Variants in ATP9B observed in about 807,000 individuals in gnomAD.
ATP9B encodes ATPase phospholipid transporting 9B, also known as probable phospholipid-transporting ATPase IIB.
A neutral mutation model predicts 146.1 loss-of-function variants in ATP9B; 110 were observed. The observed-to-expected ratio is 0.75, with a 90% CI of 0.65 to 0.88. The LOEUF (loss-of-function observed/expected upper bound fraction) is 0.88, where lower values mean the gene tolerates loss of function less well. ATP9B is among the 40% of genes least tolerant of loss of function. The pLI is 0.00. For synonymous variants in ATP9B, 604 were observed against 569.7 expected (o/e 1.06, Z -0.86); for missense variants, 1,499 against 1,496.4 (o/e 1.00, Z -0.03).
chr18:79,072,318 C>T (rs1374649874), intron 1 of ATP9B, among the ~76,000 whole-genome samples: 1 of 152,000 alleles, frequency 6.6e-6, no homozygotes, highest in Non-Finnish European at 1.5e-5. Flanking sequence ...GTGTTTGTGT[C>T]CCTGGGTACT....
chr18:79,312,811 A>G (rs1599876722), intron 15 of ATP9B, among the ~76,000 whole-genome samples: 1 of 152,216 alleles, frequency 6.6e-6, no homozygotes, highest in East Asian at 1.9e-4. Context: ...TTTTTGGTAC[A>G]ATGTGAAATT....
At chr18:79,115,214 G>C (rs1442838663) in intron 4 of ATP9B, 1 of 137,386 alleles carries the variant, frequency 7.3e-6, no homozygotes, top group Non-Finnish European at 1.5e-5. Context: ...AACTTACAAG[G>C]GATGTGAAGG....
intron 15 of ATP9B, among the ~76,000 whole-genome samples, chr18:79,314,661 T>A (rs2096669823): frequency 6.6e-6 from 1 of 152,258 alleles, no homozygotes; most frequent in Non-Finnish European, 1.5e-5. Context: ...GATCAATATT[T>A]CATTTTCTCT....
intron 9 of ATP9B, among the ~76,000 whole-genome samples, chr18:79,204,422 ATTACTC>A (rs1327989557): frequency 5.3e-5 from 8 of 152,190 alleles, no homozygotes; most frequent in Admixed American, 5.2e-4. Context: ...AAATACTAGT[ATTACTC>A]TTTTGACTCT....
intron 11 of ATP9B, among the ~76,000 whole-genome samples, chr18:79,249,440 T>C (rs2096001571): frequency 6.6e-6 from 1 of 152,216 alleles, no homozygotes; most frequent in East Asian, 1.9e-4. Context: ...GCTTTACTAA[T>C]ATAGGAGATG....
intron 11 of ATP9B, among the ~76,000 whole-genome samples, chr18:79,235,420 A>G (rs1337737267): frequency 6.6e-6 from 1 of 152,212 alleles, no homozygotes; most frequent in Non-Finnish European, 1.5e-5. Flanking sequence ...CAATTATAAT[A>G]CTTGTTTTCT....
intron 9 of ATP9B, among the ~76,000 whole-genome samples, chr18:79,206,411 G>T (rs577428085): frequency 2.0e-5 from 3 of 152,072 alleles, no homozygotes; most frequent in Admixed American, 6.5e-5. Flanking sequence ...TGCTATGCAC[G>T]CAAAAGAAAT....
chr18:79,143,171 G>T (rs1426440904), intron 5 of ATP9B, among the ~76,000 whole-genome samples: 1 of 152,092 alleles, frequency 6.6e-6, no homozygotes, highest in Non-Finnish European at 1.5e-5. Flanking sequence ...AATTATGGGT[G>T]CAACATTCAT....
At chr18:79,145,792 G>A (rs2094577277) in intron 6 of ATP9B, 1 of 66,866 alleles carries the variant, frequency 1.5e-5, no homozygotes, top group Admixed American at 1.8e-4. Flanking sequence ...GCTGCATGTC[G>A]GGGGAGCTGG....
chr18:79,072,997 C>T (rs2072103093), intron 1 of ATP9B, among the ~76,000 whole-genome samples: 1 of 151,954 alleles, frequency 6.6e-6, no homozygotes, highest in East Asian at 1.9e-4. Flanking sequence ...GACGGGATGA[C>T]GGCCAGGAAG....
At chr18:79,190,095 A>G (rs932042543) in intron 8 of ATP9B, among the ~76,000 whole-genome samples, 14 of 152,170 alleles carry the variant, frequency 9.2e-5, no homozygotes, top group Non-Finnish European at 1.8e-4. Context: ...TGTGTACTGC[A>G]CTTAGTTCTG....
intron 5 of ATP9B, among the ~76,000 whole-genome samples, chr18:79,127,497 G>A (rs2094306827): frequency 6.6e-6 from 1 of 152,108 alleles, no homozygotes; most frequent in South Asian, 2.1e-4. Flanking sequence ...GCTTTCACTG[G>A]ACATGTTTTC....
chr18:79,284,899 T>C (rs984674532), intron 13 of ATP9B, among the ~76,000 whole-genome samples: 11 of 151,972 alleles, frequency 7.2e-5, no homozygotes, highest in Non-Finnish European at 1.6e-4. Flanking sequence ...CGATAGTTTA[T>C]TGAGAATGAT....
rs537196220 is a variant in ATP9B at position 79,345,010 on chromosome 18, T to C, written c.2473-418T>C. 6.1e-4 allele frequency among the ~76,000 whole-genome samples: 93 copies of C among 152,310 alleles called. 1 individual carries two copies. The highest frequency in any genetic ancestry group is 2.2e-3 in the African/African-American group (91 of 41,570). On this transcript the variant is annotated intron_variant, in intron 21 of 29. Transcript: ENST00000426216. ...GCTTAATCGTCCTGGACCTCTGTTGTTGCTAGTGTCCTCAGAGCAAGCACT... is the reference window on the plus strand; with the variant it reads ...GCTTAATCGTCCTGGACCTCTGTTGCTGCTAGTGTCCTCAGAGCAAGCACT...
chr18:79,222,752 A>G (rs1395400437), intron 11 of ATP9B, among the ~76,000 whole-genome samples: 1 of 152,008 alleles, frequency 6.6e-6, no homozygotes, highest in Non-Finnish European at 1.5e-5. Context: ...AAATTTTAAG[A>G]CTAAACAAAA....
At chr18:79,290,880 CGTGGCATATCTCA>C (rs2096496625) in intron 13 of ATP9B, among the ~76,000 whole-genome samples, 1 of 152,174 alleles carries the variant, frequency 6.6e-6, no homozygotes, top group African/African-American at 2.4e-5. Context: ...GCTCTAGGTG[CGTGGCATATCTCA>C]GTGTTACCTT....
chr18:79,093,585 A>G (rs2074528116), intron 1 of ATP9B, among the ~76,000 whole-genome samples: 1 of 152,156 alleles, frequency 6.6e-6, no homozygotes, highest in Admixed American at 6.5e-5. Flanking sequence ...CTTTCAGCAA[A>G]TTTGGGAAGC....
At chr18:79,132,009 T>A (rs1175510143) in intron 5 of ATP9B, among the ~76,000 whole-genome samples, 1 of 152,176 alleles carries the variant, frequency 6.6e-6, no homozygotes, top group Non-Finnish European at 1.5e-5. Context: ...CCTTTTTTGG[T>A]GATGAAAGTG....
chr18:79,345,379 G>C (rs1261957816), intron 21 of ATP9B, 49 bp from the exon 22 acceptor site: 1 of 1,598,592 alleles, frequency 6.3e-7, no homozygotes, highest in Non-Finnish European at 8.5e-7. Flanking sequence ...ACAAATCTGG[G>C]ACACTGTTGT....
Sources: allele counts gnomAD v4.1 joint callset (sites outside exome capture counted in the v4.1 genomes callset), GRCh38; gene constraint gnomAD v4.1.1; transcripts MANE v1.5; gene names NCBI Gene and HGNC (gene_info 2026-07-23, HGNC 2026-07-21).